SH3PXD2B: variants seen among roughly 807,000 people sequenced by gnomAD.
The protein encoded by SH3PXD2B is SH3 and PX domain-containing protein 2B.
A neutral mutation model predicts 73.1 loss-of-function variants in SH3PXD2B; 37 were observed. The ratio of observed to expected loss-of-function variants is 0.51; its 90% CI spans 0.39 to 0.67. The LOEUF (loss-of-function observed/expected upper bound fraction) is 0.67. Among genes scored for constraint, SH3PXD2B ranks in the 30% least tolerant of loss-of-function variants. SH3PXD2B has a pLI of 0.00. For synonymous variants in SH3PXD2B, 457 were observed against 480.5 expected (o/e 0.95, Z 0.64); for missense variants, 1,053 against 1,197.8 (o/e 0.88, Z 1.78).
chr5:172,364,414 C>T (rs1757464712), intron 6 of SH3PXD2B, among the ~76,000 whole-genome samples: 1 of 152,124 alleles, frequency 6.6e-6, no homozygotes, highest in South Asian at 2.1e-4. Flanking sequence ...TCTGTAATCC[C>T]AGCGCTTTGG....
chr5:172,422,207 C>T (rs1284609997), intron 2 of SH3PXD2B, among the ~76,000 whole-genome samples: 1 of 152,150 alleles, frequency 6.6e-6, no homozygotes, highest in Non-Finnish European at 1.5e-5. Flanking sequence ...GTTGGCCGGG[C>T]TGGTCTCAAA....
At chr5:172,331,402 A>T, downstream of SH3PXD2B, among the ~76,000 whole-genome samples, 1 of 152,144 alleles carries the variant, frequency 6.6e-6, no homozygotes, top group Admixed American at 6.5e-5. Context: ...CTGTCTTTCG[A>T]CAAGCTCCCT....
rs79271801 is a variant in SH3PXD2B at position 172,423,130 on chromosome 5, C to T, written c.76-634G>A. On this transcript the variant is annotated intron_variant, in intron 1 of 12. Transcript: ENST00000311601. ...TGCTTCCAACCTGTGTCACACGTCA[C>T]GGCACGCACAGAAAACAATACATTG... Among the ~76,000 whole-genome samples the T allele has an allele frequency of 6.7e-3, 1,021 of 152,228 alleles. 6 individuals carry two copies. Among genetic ancestry groups the T allele is most frequent in the Non-Finnish European group, 9.9e-3 (672 of 68,010 alleles).
chr5:172,331,020 C>G (rs1487251042), downstream of SH3PXD2B, among the ~76,000 whole-genome samples: 1 of 152,026 alleles, frequency 6.6e-6, no homozygotes, highest in African/African-American at 2.4e-5. Flanking sequence ...CATGGTGAAA[C>G]CCTGTCTCTA....
In SH3PXD2B at chr5:172,454,326, C is replaced by T. The variant is rs1236645702; in HGVS notation, c.27G>A (p.Glu9=). The T allele has an allele frequency of 6.3e-7, 1 of 1,584,838 alleles. No homozygotes were observed. Among genetic ancestry groups the T allele is most frequent in the Non-Finnish European group, 8.6e-7 (1 of 1,169,404 alleles). Residue 9 remains glutamate (E), a synonymous_variant, in exon 1 of 13, where the codon GAG becomes GAA. Coordinates refer to ENST00000311601, the MANE Select transcript of SH3PXD2B (RefSeq NM_001017995.3). MPPRRSIV[E]VKVLDVQKRR... ...GCTTCTGCACGTCTAGCACCTTCAC[C>T]TCCACGATGCTGCGCCGCGGCGGCA...
At chr5:172,408,028 C>A (rs1758601848) in intron 2 of SH3PXD2B, among the ~76,000 whole-genome samples, 1 of 152,164 alleles carries the variant, frequency 6.6e-6, no homozygotes, top group Non-Finnish European at 1.5e-5. Flanking sequence ...CTCCCGGCCT[C>A]TTTGGTGCTG....
rs1756650075 is a variant in SH3PXD2B, at chr5:172,334,872, T to G, written c.*3497A>C. On this transcript the variant is annotated 3_prime_UTR_variant, in exon 13 of 13. Coordinates refer to ENST00000311601, the MANE Select transcript of SH3PXD2B (RefSeq NM_001017995.3). The stretch of plus-strand genomic sequence containing the variant: ...TTCCACCTGGTAATGAAATCCTCAG[T>G]GGGCGCAAACATTTTAGGGCCAAGA... 4 of 985,316 alleles carry G rather than the reference T, an allele frequency of 4.1e-6. No individual in the cohort carries two copies. Among genetic ancestry groups the G allele is most frequent in the Admixed American group, 6.2e-5 (1 of 16,260 alleles). The allele number at this position is 985,316 out of a possible 1,614,324, so 61.0% of individuals were successfully genotyped here.
intron 1 of SH3PXD2B, among the ~76,000 whole-genome samples, chr5:172,439,469 G>C (rs537138531): frequency 1.3e-5 from 2 of 151,974 alleles, no homozygotes; most frequent in East Asian, 3.9e-4. Flanking sequence ...GGCTAAAGGC[G>C]CTAATGCATG....
intron 10 of SH3PXD2B, 85 bp from the exon 11 acceptor site, chr5:172,347,417 C>A: frequency 2.8e-6 from 4 of 1,412,884 alleles, no homozygotes; most frequent in Non-Finnish European, 4.0e-6. Flanking sequence ...TTTTCTCCTG[C>A]AGAAGATTGA....
chr5:172,367,389 G>GTTTT (rs34660682), intron 6 of SH3PXD2B, among the ~76,000 whole-genome samples: 1 of 137,724 alleles, frequency 7.3e-6, no homozygotes, highest in African/African-American at 2.7e-5. Context: ...CCTCTCATCA[G>GTTTT]TTTTTTTTTT....
At position 172,339,025 on chromosome 5, in the gene SH3PXD2B, C is replaced by A; in HGVS notation, c.2080G>T (p.Val694Leu). 1 of 1,614,116 alleles carries A rather than the reference C, an allele frequency of 6.2e-7. No individual in the cohort carries two copies. The highest frequency in any genetic ancestry group is 1.1e-5 in the South Asian group (1 of 91,086). ...EGPQAVGGQD[V>L]AFSRSFLPGE... is the part of the protein sequence containing the mutation. ...GGGAGGAAGCTTCGGCTGAAGGCCA[C>A]GTCTTGGCCCCCTACTGCCTGGGGG... Residue 694 changes from valine to leucine, a missense_variant, in exon 13 of 13, where the codon GTG becomes TTG. By Grantham distance (32) the Val-to-Leu change is conservative. Around this residue, in one of 2 missense-constraint regions of SH3PXD2B, gnomAD observed 587 missense variants for 590.7 expected, o/e 0.99. Coordinates refer to ENST00000311601, the MANE Select transcript of SH3PXD2B (RefSeq NM_001017995.3). The surrounding 1 kb of genome is among the most constrained non-coding windows in gnomAD (Gnocchi z 6.1).
rs999118428 is a variant in SH3PXD2B, at chr5:172,421,306, T to C, written c.156+1110A>G. 1.3e-5 allele frequency among the ~76,000 whole-genome samples: 2 copies of C among 152,246 alleles called. No individual in the cohort carries two copies. The highest frequency in any genetic ancestry group is 4.8e-5 in the African/African-American group (2 of 41,458). ...GAAACTACTAACCCACTGGTTAGAC[T>C]TGTTTTACCCTAATGGGGATGTGCT... On this transcript the variant is annotated intron_variant, in intron 2 of 12. Transcript: ENST00000311601. This position sits in a 1 kb window ranked among gnomAD's most constrained non-coding sequence, Gnocchi z 4.0.
intron 1 of SH3PXD2B, among the ~76,000 whole-genome samples, chr5:172,425,999 A>G (rs1425442139): frequency 6.6e-6 from 1 of 152,204 alleles, no homozygotes; most frequent in Non-Finnish European, 1.5e-5. Flanking sequence ...GGACACTGCC[A>G]ACAGGGATTA....
chr5:172,441,585 C>G (rs1307794866), intron 1 of SH3PXD2B, among the ~76,000 whole-genome samples: 1 of 152,146 alleles, frequency 6.6e-6, no homozygotes, highest in Admixed American at 6.6e-5. Flanking sequence ...GTGTACGTGT[C>G]ATGATAGGAT....
rs70982393 is a variant in SH3PXD2B, at chr5:172,359,387, C to CAAAAAAAAAAA, written c.563-521_563-511dup. On this transcript the variant is annotated intron_variant, in intron 7 of 12. Transcript: ENST00000311601. ...GGGCGACAGAGTGAGACCCCCATCT[C>CAAAAAAAAAAA]AAAAAAAAAAAAAAAAAAAAGTATA... Among the ~76,000 whole-genome samples, 21 of 84,072 alleles carry CAAAAAAAAAAA rather than the reference C, an allele frequency of 2.5e-4. 1 individual carries two copies. The highest frequency in any genetic ancestry group is 8.2e-4 in the African/African-American group (17 of 20,756). The allele number at this position is 84,072 out of a possible 152,430, so 55.2% of individuals were successfully genotyped here. A position where few individuals can be genotyped will look rare whatever the true frequency, so the allele number is the denominator to read the frequency against.
chr5:172,409,363 C>A (rs539355071), intron 2 of SH3PXD2B, among the ~76,000 whole-genome samples: 2 of 152,266 alleles, frequency 1.3e-5, no homozygotes, highest in East Asian at 3.9e-4. Context: ...GCCTGGACAA[C>A]AAGAGCAAAA....
chr5:172,402,538 G>A (rs1028157977), intron 3 of SH3PXD2B, among the ~76,000 whole-genome samples: 6 of 152,120 alleles, frequency 3.9e-5, no homozygotes, highest in South Asian at 2.1e-4. Context: ...GGAACCTGCC[G>A]ACATGTGATG....
At chr5:172,433,899 C>A (rs539568036) in intron 1 of SH3PXD2B, among the ~76,000 whole-genome samples, 1 of 152,298 alleles carries the variant, frequency 6.6e-6, no homozygotes, top group African/African-American at 2.4e-5. Flanking sequence ...TTGCCCAACC[C>A]TTCACCTCCT....
intron 5 of SH3PXD2B, among the ~76,000 whole-genome samples, chr5:172,377,320 G>A (rs1056135471): frequency 6.6e-6 from 1 of 152,150 alleles, no homozygotes; most frequent in Non-Finnish European, 1.5e-5. Context: ...AACATGGGTT[G>A]ACCTTCAGGA....
Sources: allele counts gnomAD v4.1 joint callset (sites outside exome capture counted in the v4.1 genomes callset), GRCh38; gene constraint gnomAD v4.1.1; regional missense constraint gnomAD v4.1.1; non-coding constraint Gnocchi (gnomAD v3.1); transcripts MANE v1.5; gene names NCBI Gene and HGNC (gene_info 2026-07-23, HGNC 2026-07-21).